The following RALYL variants were observed in gnomAD, a reference collection of about 807,000 sequenced individuals.
RALYL encodes RALY RNA binding protein like, also known as RNA-binding Raly-like protein.
In RALYL, 29 loss-of-function variants were observed where a neutral mutation model predicts 35.1. The observed-to-expected ratio is 0.83, with a 90% CI of 0.61 to 1.13. The LOEUF is 1.13. RALYL is among the 50% of genes most tolerant of loss of function. The pLI is 0.00. For missense variants in RALYL, 359 were observed against 360.4 expected (o/e 1.00, Z 0.03); for synonymous variants, 120 against 127.6 (o/e 0.94, Z 0.40).
At chr8:84,856,632 T>C (rs1443876248) in intron 5 of RALYL, among the ~76,000 whole-genome samples, 1 of 152,240 alleles carries the variant, frequency 6.6e-6, no homozygotes, top group East Asian at 1.9e-4. Flanking sequence ...GATTCAACTG[T>C]AACCAAAGAT....
intron 3 of RALYL, among the ~76,000 whole-genome samples, chr8:84,801,011 G>GA (rs1372601828): frequency 6.6e-6 from 1 of 152,092 alleles, no homozygotes; most frequent in African/African-American, 2.4e-5. Context: ...ATATAATTGA[G>GA]AAAAATGAGG....
intron 2 of RALYL, among the ~76,000 whole-genome samples, chr8:84,561,927 A>T (rs1444551014): frequency 6.6e-6 from 1 of 152,044 alleles, no homozygotes; most frequent in Non-Finnish European, 1.5e-5. Context: ...TTGAAGTATT[A>T]CTAAAGCCGA....
chr8:84,744,801 C>T (rs13266556), intron 2 of RALYL, among the ~76,000 whole-genome samples: 4,768 of 151,738 alleles, frequency 0.031, 105 homozygotes, highest in Non-Finnish European at 0.049. Flanking sequence ...ATGATGGTCT[C>T]GATACAGAAC....
At chr8:84,919,597 C>T (rs562290106) in intron 8 of RALYL, among the ~76,000 whole-genome samples, 1 of 151,438 alleles carries the variant, frequency 6.6e-6, no homozygotes, top group South Asian at 2.1e-4. Flanking sequence ...GATCAGTGTA[C>T]AGTATGAATT....
intron 1 of RALYL, among the ~76,000 whole-genome samples, chr8:84,217,523 T>C (rs567500442): frequency 3.6e-4 from 55 of 152,200 alleles, no homozygotes; most frequent in African/African-American, 1.2e-3. Flanking sequence ...TGGAGTGTAT[T>C]TAACACTACA....
chr8:84,293,226 G>T (rs900874110), intron 1 of RALYL, among the ~76,000 whole-genome samples: 3 of 152,026 alleles, frequency 2.0e-5, no homozygotes, highest in African/African-American at 7.2e-5. Context: ...AAAATAGGAA[G>T]AAAAAGAGAG....
At chr8:84,833,124 C>A (rs1045507118) in intron 4 of RALYL, among the ~76,000 whole-genome samples, 1 of 152,104 alleles carries the variant, frequency 6.6e-6, no homozygotes, top group South Asian at 2.1e-4. Context: ...GCCCAAACAA[C>A]CTTATTTAAT....
intron 2 of RALYL, among the ~76,000 whole-genome samples, chr8:84,602,200 A>G (rs931320642): frequency 6.6e-6 from 1 of 152,114 alleles, no homozygotes; most frequent in African/African-American, 2.4e-5. Flanking sequence ...AACATATCCA[A>G]TAATTGCATC....
intron 1 of RALYL, among the ~76,000 whole-genome samples, chr8:84,388,166 A>G (rs1306333154): frequency 6.6e-6 from 1 of 152,150 alleles, no homozygotes; most frequent in Non-Finnish European, 1.5e-5. Context: ...TACAAAGGAC[A>G]TGAACTCATC....
At chr8:84,888,853 G>T (rs548442519) in intron 8 of RALYL, among the ~76,000 whole-genome samples, 2 of 152,020 alleles carry the variant, frequency 1.3e-5, no homozygotes, top group Non-Finnish European at 2.9e-5. Context: ...TGGTTCAAGC[G>T]ATTCTCCTGC....
intron 1 of RALYL, among the ~76,000 whole-genome samples, chr8:84,218,942 T>A (rs1821510887): frequency 6.6e-6 from 1 of 152,090 alleles, no homozygotes; most frequent in African/African-American, 2.4e-5. Context: ...TTTTAAACTC[T>A]TCCAAAGACT....
chr8:84,825,466 G>A (rs1297735186), intron 4 of RALYL, among the ~76,000 whole-genome samples: 2 of 152,034 alleles, frequency 1.3e-5, no homozygotes, highest in East Asian at 3.9e-4. Flanking sequence ...AAAATATAAC[G>A]ACTATTCAAC....
intron 1 of RALYL, among the ~76,000 whole-genome samples, chr8:84,419,299 G>C (rs1030018423): frequency 3.3e-5 from 5 of 152,050 alleles, no homozygotes; most frequent in Admixed American, 2.6e-4. Context: ...GAGCCTTTTG[G>C]TATTAACGTC....
intron 1 of RALYL, among the ~76,000 whole-genome samples, chr8:84,367,323 T>G (rs1854604630): frequency 7.4e-5 from 1 of 13,540 alleles, no homozygotes; most frequent in Non-Finnish European, 1.3e-4. Context: ...TTTGTATTTT[T>G]TTTTTTTTTT....
At chr8:84,838,436 T>C (rs1832481663) in intron 4 of RALYL, among the ~76,000 whole-genome samples, 1 of 152,196 alleles carries the variant, frequency 6.6e-6, no homozygotes, top group Non-Finnish European at 1.5e-5. Context: ...TTCTCTTTCT[T>C]GGAAATCCAC....
intron 1 of RALYL, among the ~76,000 whole-genome samples, chr8:84,397,875 A>C (rs1410723678): frequency 2.6e-5 from 4 of 152,178 alleles, no homozygotes; most frequent in African/African-American, 9.7e-5. Context: ...AGGTGAAGGG[A>C]AAAGCTGTAA....
At chr8:84,390,558 G>A (rs1013301388) in intron 1 of RALYL, among the ~76,000 whole-genome samples, 3 of 151,928 alleles carry the variant, frequency 2.0e-5, no homozygotes, top group African/African-American at 7.3e-5. Context: ...ACTTCTTCCT[G>A]GTTTAGTCTT....
intron 2 of RALYL, among the ~76,000 whole-genome samples, chr8:84,552,358 ATTTTTTTTTTTTTTTTT>A (rs1167949176): frequency 1.4e-3 from 43 of 30,620 alleles, no homozygotes; most frequent in Admixed American, 2.8e-3. Context: ...ATATATATAT[ATTTTTTTTTTTTTTTTT>A]TTTTTTTTTT....
At chr8:84,761,328 T>C (rs1032327674) in intron 2 of RALYL, among the ~76,000 whole-genome samples, 1 of 151,970 alleles carries the variant, frequency 6.6e-6, no homozygotes, top group Non-Finnish European at 1.5e-5. Flanking sequence ...CTGACCAGGA[T>C]ATGATACATA....
Sources: allele counts gnomAD v4.1 joint callset (sites outside exome capture counted in the v4.1 genomes callset), GRCh38; gene constraint gnomAD v4.1.1; transcripts MANE v1.5; gene names NCBI Gene and HGNC (gene_info 2026-07-23, HGNC 2026-07-21).